FGF12: variants seen among roughly 807,000 people sequenced by gnomAD.
FGF12 encodes the protein fibroblast growth factor 12B.
A neutral mutation model predicts 23.6 loss-of-function variants in FGF12; 14 were observed. The ratio of observed to expected loss-of-function variants is 0.59; its 90% confidence interval spans 0.39 to 0.93. The LOEUF (loss-of-function observed/expected upper bound fraction) is 0.93, where lower values mean the gene tolerates loss of function less well. Ranked by LOEUF, FGF12 falls within the 40% of genes least tolerant of loss-of-function variation. The probability of loss-of-function intolerance (pLI) is 0.00; values close to 1 mark genes in which losing one functional copy is unlikely to be tolerated. For synonymous variants in FGF12, 62 were observed against 77.3 expected, an observed-to-expected ratio of 0.80 and a Z score of 1.04; for missense variants, 175 against 217.8, an observed-to-expected ratio of 0.80 and a Z score of 1.24.
At chr3:192,519,947 C>T (rs7651056) in intron 2 of FGF12, among the ~76,000 whole-genome samples, 1 of 152,154 alleles carries the variant, frequency 6.6e-6, no homozygotes, top group Non-Finnish European at 1.5e-5. Context: ...TTAGCAGTTC[C>T]TTAATTGTTT....
intron 5 of FGF12, among the ~76,000 whole-genome samples, chr3:192,163,681 C>G (rs1390324397): frequency 1.3e-5 from 2 of 152,110 alleles, no homozygotes; most frequent in African/African-American, 2.4e-5. Flanking sequence ...AATCTGTTAG[C>G]TTCTAGGAAC....
intron 2 of FGF12, among the ~76,000 whole-genome samples, chr3:192,455,002 T>C (rs7635123): frequency 0.048 from 7,239 of 152,256 alleles, 598 homozygotes; most frequent in African/African-American, 0.16. Flanking sequence ...GAGAATACTT[T>C]TTTAAAAAAC....
rs1423738741 is a variant in FGF12, at chr3:192,305,679, A to AAAATATATATAT, written c.228+29681_228+29682insATATATATATTT. 8.3e-5 allele frequency among the ~76,000 whole-genome samples: 11 copies of AAAATATATATAT among 131,932 alleles called. No individual in the cohort carries two copies. In the South Asian group the frequency reaches 1.8e-3, roughly 22 times the overall value. The allele number at this position is 131,932 out of a possible 152,430, so 86.6% of individuals were successfully genotyped here. On this transcript the variant is annotated intron_variant, in intron 4 of 5. Coordinates refer to ENST00000445105, the MANE Select transcript of FGF12 (RefSeq NM_004113.6). Reference sequence around the variant, plus strand: ...AAGGTGGCTTAGGAAAAAAAAAAAAAATATATATATATATATAAATATATA... The same window carrying AAAATATATATAT: ...AAGGTGGCTTAGGAAAAAAAAAAAAAAAATATATATATATATATATATATATATAAATATATA...
intron 2 of FGF12, among the ~76,000 whole-genome samples, chr3:192,386,383 TAA>T (rs1366750595): frequency 6.6e-6 from 1 of 152,194 alleles, no homozygotes; most frequent in Non-Finnish European, 1.5e-5. Context: ...CAGAAATTAT[TAA>T]GTCTCATTTC....
At chr3:192,231,014 T>G (rs1718991255) in intron 4 of FGF12, among the ~76,000 whole-genome samples, 1 of 152,166 alleles carries the variant, frequency 6.6e-6, no homozygotes, top group Non-Finnish European at 1.5e-5. Context: ...TTGAATTAGT[T>G]TAGATTTATA....
At chr3:192,707,144 G>A (rs1718496786) in intron 2 of FGF12, among the ~76,000 whole-genome samples, 1 of 152,114 alleles carries the variant, frequency 6.6e-6, no homozygotes, top group Non-Finnish European at 1.5e-5. Flanking sequence ...AGAAATCCCA[G>A]GTTATCTTCA....
chr3:192,270,746 A>G (rs556679618), intron 4 of FGF12, among the ~76,000 whole-genome samples: 145 of 152,036 alleles, frequency 9.5e-4, no homozygotes, highest in African/African-American at 3.4e-3. Context: ...AAAAGAAGGA[A>G]AAAAGGTAAG....
intron 4 of FGF12, among the ~76,000 whole-genome samples, chr3:192,308,038 G>T (rs1715740703): frequency 6.6e-6 from 1 of 152,070 alleles, no homozygotes; most frequent in Non-Finnish European, 1.5e-5. Context: ...CTTAAGAAAT[G>T]AATTTTTACT....
At chr3:192,434,285 G>A (rs1036523605) in intron 2 of FGF12, among the ~76,000 whole-genome samples, 1 of 152,172 alleles carries the variant, frequency 6.6e-6, no homozygotes, top group African/African-American at 2.4e-5. Flanking sequence ...TCTGTTCAGC[G>A]GAAGTGAAGG....
At chr3:192,343,683 A>C (rs1717809021) in intron 3 of FGF12, among the ~76,000 whole-genome samples, 1 of 152,128 alleles carries the variant, frequency 6.6e-6, no homozygotes, top group South Asian at 2.1e-4. Flanking sequence ...ATGTTCACCC[A>C]GGCAAATTAA....
At chr3:192,448,594 T>G (rs2108800483) in intron 2 of FGF12, among the ~76,000 whole-genome samples, 1 of 152,314 alleles carries the variant, frequency 6.6e-6, no homozygotes, top group Non-Finnish European at 1.5e-5. Flanking sequence ...GATACTATGC[T>G]TCAATTCTAA....
At chr3:192,701,728 A>G (rs1261125885) in intron 2 of FGF12, among the ~76,000 whole-genome samples, 3 of 152,172 alleles carry the variant, frequency 2.0e-5, no homozygotes, top group African/African-American at 7.2e-5. Context: ...GAAAAAAGGC[A>G]TATTATATTC....
At chr3:192,650,975 C>A (rs1397857208) in intron 2 of FGF12, among the ~76,000 whole-genome samples, 1 of 152,160 alleles carries the variant, frequency 6.6e-6, no homozygotes, top group African/African-American at 2.4e-5. Context: ...AAATATATTT[C>A]TGTCCTAATG....
At chr3:192,504,332 A>G (rs923563803) in intron 2 of FGF12, among the ~76,000 whole-genome samples, 7 of 152,182 alleles carry the variant, frequency 4.6e-5, no homozygotes, top group African/African-American at 1.7e-4. Context: ...TGTACCCCTG[A>G]ACCTAAAAGA....
chr3:192,496,960 C>G (rs1477408259), intron 2 of FGF12, among the ~76,000 whole-genome samples: 1 of 152,134 alleles, frequency 6.6e-6, no homozygotes, highest in African/African-American at 2.4e-5. Flanking sequence ...TTGACACTAA[C>G]TCCTTACATG....
At chr3:192,686,907 C>G (rs1717763677) in intron 2 of FGF12, among the ~76,000 whole-genome samples, 1 of 131,806 alleles carries the variant, frequency 7.6e-6, no homozygotes, top group African/African-American at 2.9e-5. Flanking sequence ...CGGCTCACTG[C>G]AAGCTCCGGC....
At chr3:192,555,947 G>A (rs1438586891) in intron 2 of FGF12, among the ~76,000 whole-genome samples, 1 of 152,098 alleles carries the variant, frequency 6.6e-6, no homozygotes, top group Non-Finnish European at 1.5e-5. Context: ...AAAAGAGATT[G>A]TTACAACTAT....
At chr3:192,247,032 A>AGAAGGAAGGAAAGAAGGAAG (rs1195304406) in intron 4 of FGF12, among the ~76,000 whole-genome samples, 76 of 86,372 alleles carry the variant, frequency 8.8e-4, no homozygotes, top group Admixed American at 1.9e-3. Context: ...AGGGAAGGAA[A>AGAAGGAAGGAAAGAAGGAAG]GAAGGAAGGA....
intron 3 of FGF12, among the ~76,000 whole-genome samples, chr3:192,343,624 C>G (rs142658241): frequency 8.9e-4 from 136 of 152,198 alleles, no homozygotes; most frequent in Non-Finnish European, 1.8e-3. Context: ...GGAGTGAGCT[C>G]TTAAATCTTC....
Sources: gnomAD v4.1 joint callset for allele counts (sites outside exome capture counted in the v4.1 genomes callset) on GRCh38, gnomAD v4.1.1 for gene constraint, MANE v1.5 for transcripts, NCBI Gene and HGNC (gene_info 2026-07-23, HGNC 2026-07-21) for gene names.